Variants in ATP6V0A4 observed in about 807,000 individuals in gnomAD.
ATP6V0A4 encodes the protein ATPase H+ transporting V0 subunit a4.
Under a neutral mutation model 107.3 loss-of-function variants are expected in ATP6V0A4, and 86 were observed. The observed-to-expected ratio is 0.80, with a 90% CI of 0.67 to 0.96. The LOEUF (loss-of-function observed/expected upper bound fraction) is 0.96, where lower values mean the gene tolerates loss of function less well. Among genes scored for constraint, ATP6V0A4 ranks in the 40% least tolerant of loss-of-function variants. The probability of loss-of-function intolerance (pLI) is 0.00; values close to 1 mark genes in which losing one functional copy is unlikely to be tolerated. For synonymous variants in ATP6V0A4, 353 were observed against 381.4 expected, an observed-to-expected ratio of 0.93 and a Z score of 0.87; for missense variants, 908 against 1,045.6, an observed-to-expected ratio of 0.87 and a Z score of 1.81.
In ATP6V0A4 at chr7:138,732,950, A is replaced by T. The variant is rs1240870843; in HGVS notation, c.1835T>A (p.Ile612Asn). The change falls in exon 17 of 22, where the codon ATC becomes AAC. Residue 612 changes from isoleucine to asparagine, a missense_variant. Ile to Asn is a moderately radical substitution (Grantham distance 149). Coordinates refer to ENST00000310018, the MANE Select transcript of ATP6V0A4 (RefSeq NM_020632.3). ...AAACATGTTGATGAAGTGGATGAGGATGCTGGGGGCGTGCTGAGATACATG... is the reference window on the plus strand; with the variant it reads ...AAACATGTTGATGAAGTGGATGAGGTTGCTGGGGGCGTGCTGAGATACATG... ...DVHVSQHAPS[I>N]LIHFINMFLF... The T allele has an allele frequency of 6.2e-7, 1 of 1,613,660 alleles. No individual in the cohort carries two copies. The highest frequency in any genetic ancestry group is 1.1e-5 in the South Asian group (1 of 91,060).
chr7:138,782,804 G>T (rs1335679967), intron 2 of ATP6V0A4, among the ~76,000 whole-genome samples: 2 of 152,210 alleles, frequency 1.3e-5, no homozygotes, highest in African/African-American at 4.8e-5. Flanking sequence ...GCTGGGCATG[G>T]TGGCTCACAC....
intron 18 of ATP6V0A4, among the ~76,000 whole-genome samples, chr7:138,722,728 G>C (rs901172105): frequency 8.2e-6 from 1 of 121,370 alleles, no homozygotes; most frequent in South Asian, 3.1e-4. Flanking sequence ...CTGGGCGACA[G>C]AGTGAGACTC....
intron 19 of ATP6V0A4, 148 bp from the exon 20 acceptor site, chr7:138,716,029 G>T: frequency 8.7e-7 from 1 of 1,148,222 alleles, no homozygotes; most frequent in Non-Finnish European, 1.3e-6. Context: ...TAGACTTAGA[G>T]AAAGAATTAT....
intron 2 of ATP6V0A4, among the ~76,000 whole-genome samples, chr7:138,784,241 TATATATATATACATATATATATATAC>T (rs1808057984): frequency 1.0e-4 from 4 of 39,514 alleles, no homozygotes; most frequent in African/African-American, 3.0e-4. Context: ...TATACGTATA[TATATATATATACATATATATATATAC>T]ATATATATAT....
intron 19 of ATP6V0A4, among the ~76,000 whole-genome samples, chr7:138,720,306 G>A (rs1804365879): frequency 1.3e-5 from 2 of 152,118 alleles, no homozygotes; most frequent in South Asian, 2.1e-4. Context: ...GCCTGGAGAC[G>A]GGAGACCCAT....
rs375975249 is a variant in ATP6V0A4 at position 138,786,631 on chromosome 7, G to T, written c.-120-371C>A. Among the ~76,000 whole-genome samples, 90 of 152,034 alleles carry T rather than the reference G, an allele frequency of 5.9e-4. No homozygotes were observed. The South Asian group carries it at 0.018, about 31-fold the overall frequency. The stretch of plus-strand genomic sequence containing the variant: ...AATGCCCTGAAGTTTATCATGGATG[G>T]ATTTTTTTACCTATAGCCTAAGGAG... On this transcript the variant is annotated intron_variant, in intron 1 of 21. Coordinates refer to ENST00000310018, the MANE Select transcript of ATP6V0A4 (RefSeq NM_020632.3).
At chr7:138,721,598 G>A (rs188860066) in intron 19 of ATP6V0A4, among the ~76,000 whole-genome samples, 5 of 152,252 alleles carry the variant, frequency 3.3e-5, no homozygotes, top group East Asian at 1.9e-4. Flanking sequence ...TCAGTGACAC[G>A]CAGGACCTTC....
At chr7:138,722,129 GACACTGTTCTAA>G (rs751551557) in intron 18 of ATP6V0A4, 104 bp from the exon 19 acceptor site, 3 of 1,535,484 alleles carry the variant, frequency 2.0e-6, no homozygotes, top group Non-Finnish European at 2.6e-6. Context: ...CTATGTACCA[GACACTGTTCTAA>G]ACACTACACT....
chr7:138,740,452 G>A (rs1361140724), intron 14 of ATP6V0A4, among the ~76,000 whole-genome samples: 1 of 142,494 alleles, frequency 7.0e-6, no homozygotes, highest in Non-Finnish European at 1.5e-5. Flanking sequence ...TGGAGACTGC[G>A]TTTCATTCTT....
At chr7:138,761,179 A>T (rs1049163441) in intron 7 of ATP6V0A4, among the ~76,000 whole-genome samples, 3 of 152,220 alleles carry the variant, frequency 2.0e-5, no homozygotes, top group South Asian at 2.1e-4. Flanking sequence ...CTACTAAAAA[A>T]TTTTTTAAAA....
chr7:138,752,835 G>T lies in ATP6V0A4; in HGVS notation c.819C>A (p.Val273=), dbSNP rs375861276. Residue 273 remains valine (V), a splice_region_variant and synonymous_variant, in exon 11 of 22, where the codon GTC becomes GTA. Transcript: ENST00000310018. ...VNVRLEDLIT[V]ITQTESHRQR... is the part of the protein sequence containing the mutation. ...GGCGGTGAGACTCTGTTTGTGTTAT[G>T]ACCTATACAAAAAACAACACACAGG... The T allele has an allele frequency of 6.8e-6, 11 of 1,613,634 alleles. No homozygotes were observed. The African/African-American group carries it at 1.1e-4, about 16-fold the overall frequency.
intron 5 of ATP6V0A4, among the ~76,000 whole-genome samples, chr7:138,767,383 C>T (rs1327747142): frequency 1.3e-5 from 2 of 151,962 alleles, no homozygotes; most frequent in Non-Finnish European, 2.9e-5. Context: ...ATTAGCTGGG[C>T]GTGGTGGCGC....
chr7:138,749,473 A>G (rs1806123377), intron 11 of ATP6V0A4, 156 bp from the exon 12 acceptor site: 1 of 262,418 alleles, frequency 3.8e-6, no homozygotes. Flanking sequence ...ATGTGTAGAG[A>G]GTTAATACCT....
chr7:138,794,584 A>G (rs1808570364), intron 1 of ATP6V0A4, among the ~76,000 whole-genome samples: 1 of 152,026 alleles, frequency 6.6e-6, no homozygotes, highest in Non-Finnish European at 1.5e-5. Context: ...AACCACCACC[A>G]TGGTGCCTAG....
intron 12 of ATP6V0A4, among the ~76,000 whole-genome samples, 193 bp downstream of exon 12, chr7:138,748,974 C>T (rs983997407): frequency 6.6e-6 from 1 of 152,178 alleles, no homozygotes; most frequent in East Asian, 1.9e-4. Context: ...CAGGGTATTA[C>T]GAAACCAAGG....
In ATP6V0A4 at chr7:138,775,536, G is replaced by A. The variant is rs563000338; in HGVS notation, c.-17-4272C>T. On this transcript the variant is annotated intron_variant, in intron 2 of 21. Coordinates refer to ENST00000310018, the MANE Select transcript of ATP6V0A4 (RefSeq NM_020632.3). ...CTGTTGTCCAGGCTGGAGTGTGGTG[G>A]CGCAAACACAGCTCACTGCAGCCTC... Among the ~76,000 whole-genome samples the A allele has an allele frequency of 3.7e-4, 56 of 152,068 alleles. 1 individual carries two copies. The highest frequency in any genetic ancestry group is 6.0e-4 in the Non-Finnish European group (41 of 67,988).
intron 2 of ATP6V0A4, among the ~76,000 whole-genome samples, chr7:138,779,360 AT>A (rs201596813): frequency 0.25 from 37,535 of 151,408 alleles, 5,272 homozygotes; most frequent in Middle Eastern, 0.32. Context: ...AAAAAAATAA[AT>A]AAATAAAAGA....
intron 21 of ATP6V0A4, 172 bp from the exon 22 acceptor site, chr7:138,706,889 ATTTT>A (rs11308035): frequency 4.4e-3 from 932 of 211,340 alleles, no homozygotes; most frequent in Non-Finnish European, 5.3e-3. Context: ...AATCCTGAGG[ATTTT>A]TTTTTTTTTT....
rs141654350 is a variant in ATP6V0A4, at chr7:138,777,056, C to T, written c.-17-5792G>A. 4.1e-4 allele frequency among the ~76,000 whole-genome samples: 61 copies of T among 149,646 alleles called. No homozygotes were observed. The East Asian group carries it at 9.5e-3, about 23-fold the overall frequency. ...CCCAGCTACTCAGGAGGCTGAGGCA[C>T]GAGAATCGCTTGAACCCGGGAAGTG... On this transcript the variant is annotated intron_variant, in intron 2 of 21. Coordinates refer to ENST00000310018, the MANE Select transcript of ATP6V0A4 (RefSeq NM_020632.3).
Sources: allele counts gnomAD v4.1 joint callset (sites outside exome capture counted in the v4.1 genomes callset), GRCh38; gene constraint gnomAD v4.1.1; transcripts MANE v1.5; gene names NCBI Gene and HGNC (gene_info 2026-07-23, HGNC 2026-07-21).